C22orf31: variants seen among roughly 807,000 people sequenced by gnomAD.
The protein encoded by C22orf31 is uncharacterized protein C22orf31.
In C22orf31, 11 loss-of-function variants were observed where a neutral mutation model predicts 15.0. The ratio of observed to expected loss-of-function variants is 0.73; its 90% CI spans 0.46 to 1.21. The LOEUF (loss-of-function observed/expected upper bound fraction) is 1.21. Ranked by LOEUF, C22orf31 falls within the 50% of genes most tolerant of loss-of-function variation. The pLI is 0.00. For missense variants in C22orf31, 340 were observed against 347.2 expected (o/e 0.98, Z 0.17); for synonymous variants, 132 against 133.3 (o/e 0.99, Z 0.07).
the C22orf31 span, among the ~76,000 whole-genome samples, chr22:29,067,729 C>G: frequency 6.6e-6 from 1 of 152,162 alleles, no homozygotes; most frequent in Non-Finnish European, 1.5e-5. Flanking sequence ...CAACCATGAG[C>G]CACCGTGCCC....
At position 29,058,749 on chromosome 22, in the gene C22orf31, T is replaced by C; in HGVS notation, c.866A>G (p.Lys289Arg). 6.2e-7 allele frequency: 1 copy of C among 1,605,768 alleles called. No individual in the cohort carries two copies. Among genetic ancestry groups the C allele is most frequent in the Non-Finnish European group, 8.5e-7 (1 of 1,176,738 alleles). ...TCCCATGAGTTCTTGTTCCTATTTT[T>C]TGCTCTTTAACTTGGGCCATTTCTT... ...VLKKWPKLKS[K>R]K The change falls in exon 3 of 3, where the codon AAA (lysine) becomes AGA (arginine). Residue 289 changes from lysine to arginine, a missense_variant. Transcript: ENST00000216071.
upstream of C22orf31, among the ~76,000 whole-genome samples, chr22:29,065,312 A>G (rs1601734503): frequency 6.6e-6 from 1 of 152,028 alleles, no homozygotes; most frequent in Non-Finnish European, 1.5e-5. Context: ...GGTGGCTCGC[A>G]CCTATAATCC....
At chr22:29,060,050 T>TAGAC in intron 2 of C22orf31, 1 of 829,020 alleles carries the variant, frequency 1.2e-6, no homozygotes, top group Non-Finnish European at 1.4e-6. Context: ...TTTTATTTTT[T>TAGAC]AGACAGGGTC....
At chr22:29,061,752 T>C in intron 1 of C22orf31, 38 bp downstream of exon 1, 1 of 1,468,592 alleles carries the variant, frequency 6.8e-7, no homozygotes, top group East Asian at 2.3e-5. Context: ...GATCTGGCTT[T>C]CTAAGAAATG....
In C22orf31 at chr22:29,060,435, G is replaced by A. The variant is rs766563141; in HGVS notation, c.412C>T (p.Pro138Ser). 17 of 1,612,738 alleles carry A rather than the reference G, an allele frequency of 1.1e-5. No individual in the cohort carries two copies. In the East Asian group the frequency reaches 1.1e-4, roughly 11 times the overall value. Residue 138 changes from proline to serine, a missense_variant, in exon 2 of 3, where the codon CCT (proline) becomes TCT (serine). Transcript: ENST00000216071. Reference protein sequence around the residue: ...KSKQPAGHRRPAGGIRESKES... With the variant: ...KSKQPAGHRRSAGGIRESKES... ...TCTACCTCTCTGATGCCTCCTGCAG[G>A]CCTCCTATGCCCTGCTGGCTGCTTG... is the stretch of plus-strand genomic sequence containing the variant.
chr22:29,059,783 C>T, intron 2 of C22orf31: 1 of 976,830 alleles, frequency 1.0e-6, no homozygotes, highest in Non-Finnish European at 1.2e-6. Flanking sequence ...TGTGTGTGTG[C>T]ACAAGCATGC....
At chr22:29,068,905 C>T in the C22orf31 span, among the ~76,000 whole-genome samples, 26 of 151,750 alleles carry the variant, frequency 1.7e-4, no homozygotes, top group Non-Finnish European at 3.2e-4. Context: ...CCTGAGACTA[C>T]AGGCGCCCGC....
chr22:29,071,565 C>A, the C22orf31 span, among the ~76,000 whole-genome samples: 2 of 150,852 alleles, frequency 1.3e-5, no homozygotes, highest in African/African-American at 2.4e-5. Context: ...GCCGCCGCGC[C>A]GGGCGCAGGT....
chr22:29,062,801 G>T (rs2037404427), upstream of C22orf31, among the ~76,000 whole-genome samples: 1 of 152,106 alleles, frequency 6.6e-6, no homozygotes, highest in Non-Finnish European at 1.5e-5. Flanking sequence ...CAGTTGAGAG[G>T]ACAATTGCTC....
intron 1 of C22orf31, among the ~76,000 whole-genome samples, chr22:29,061,227 C>T (rs900058268): frequency 2.5e-4 from 38 of 152,122 alleles, no homozygotes; most frequent in African/African-American, 8.2e-4. Flanking sequence ...ACATGACAGC[C>T]GGTAAGTTCT....
At position 29,059,189 on chromosome 22, in the gene C22orf31, A is replaced by G. The variant is rs773521720; in HGVS notation, c.433-7T>C. Reference sequence around the variant, plus strand: ...CCTTTGAACTTTCTTTACTCTAGCCAGGAAGAAAGCAGAGAAGTCAAAGCT... The same window carrying G: ...CCTTTGAACTTTCTTTACTCTAGCCGGGAAGAAAGCAGAGAAGTCAAAGCT... On this transcript the variant is annotated splice_region_variant and splice_polypyrimidine_tract_variant and intron_variant, in intron 2 of 2. Coordinates refer to ENST00000216071, the MANE Select transcript of C22orf31 (RefSeq NM_015370.2). The G allele has an allele frequency of 2.5e-6, 4 of 1,581,012 alleles. No individual in the cohort carries two copies. In the East Asian group the frequency reaches 6.7e-5, roughly 27 times the overall value.
upstream of C22orf31, among the ~76,000 whole-genome samples, chr22:29,066,083 C>T (rs529944945): frequency 3.9e-5 from 6 of 152,008 alleles, no homozygotes; most frequent in African/African-American, 7.2e-5. Flanking sequence ...TTTACTACGA[C>T]CTTTCTTCTT....
chr22:29,073,392 G>T, the C22orf31 span, among the ~76,000 whole-genome samples: 5 of 151,698 alleles, frequency 3.3e-5, no homozygotes, highest in African/African-American at 1.2e-4. This position sits in a 1 kb window ranked among gnomAD's most constrained non-coding sequence, Gnocchi z 4.4. Flanking sequence ...CCCTTCCTGG[G>T]ACCCGGGCTA....
At chr22:29,073,031 C>A in the C22orf31 span, 1 of 189,184 alleles carries the variant, frequency 5.3e-6, no homozygotes, top group Non-Finnish European at 9.7e-6. This position sits in a 1 kb window ranked among gnomAD's most constrained non-coding sequence, Gnocchi z 4.4. Context: ...CGGGGCGGGG[C>A]TACACTCGGG....
intron 2 of C22orf31, 65 bp downstream of exon 2, chr22:29,060,350 T>C: frequency 7.0e-7 from 1 of 1,427,108 alleles, no homozygotes; most frequent in South Asian, 1.3e-5. Flanking sequence ...CGTTAAGTGT[T>C]CTCTGGCTTT....
chr22:29,070,300 C>T, the C22orf31 span, among the ~76,000 whole-genome samples: 1 of 152,242 alleles, frequency 6.6e-6, no homozygotes, highest in African/African-American at 2.4e-5. Context: ...TCATTTCTCA[C>T]TGTGTCATGC....
At chr22:29,071,025 C>T in the C22orf31 span, among the ~76,000 whole-genome samples, 1 of 152,070 alleles carries the variant, frequency 6.6e-6, no homozygotes, top group Admixed American at 6.5e-5. Flanking sequence ...TCATTCTCTT[C>T]AAAGGCACTG....
chr22:29,071,061 G>T, the C22orf31 span, among the ~76,000 whole-genome samples: 1 of 152,020 alleles, frequency 6.6e-6, no homozygotes. Flanking sequence ...CAGAAGTCCT[G>T]GAATAAGGGT....
In C22orf31 at chr22:29,058,885, T is replaced by A; in HGVS notation, c.730A>T (p.Lys244Ter). The stretch of plus-strand genomic sequence containing the variant: ...CAAAGAGCCTCCCAGAGCTTTTGTT[T>A]AATGGCCTTGCCCAGCTCCAGGCTG... ...RYSLELGKAI[K>*]QKLWEALCSQ... The change falls in exon 3 of 3, where the codon AAA (lysine) becomes TAA (stop). Residue 244 changes from lysine to a stop codon, truncating the protein, a stop_gained. Coordinates refer to ENST00000216071, the MANE Select transcript of C22orf31 (RefSeq NM_015370.2). LOFTEE classifies it low-confidence loss of function (END_TRUNC). 1 of 1,614,170 alleles carries A rather than the reference T, an allele frequency of 6.2e-7. No individual in the cohort carries two copies. The highest frequency in any genetic ancestry group is 8.5e-7 in the Non-Finnish European group (1 of 1,180,020).
Sources: allele counts gnomAD v4.1 joint callset (sites outside exome capture counted in the v4.1 genomes callset), GRCh38; gene constraint gnomAD v4.1.1; non-coding constraint Gnocchi (gnomAD v3.1); transcripts MANE v1.5; gene names NCBI Gene and HGNC (gene_info 2026-07-23, HGNC 2026-07-21).